The following FAT3 variants were observed in gnomAD, a reference collection of about 807,000 sequenced individuals.
FAT3 encodes the protein FAT atypical cadherin 3.
FAT3 carries 95 observed loss-of-function variants against 310.2 expected under a neutral mutation model. The ratio of observed to expected loss-of-function variants is 0.31; its 90% CI spans 0.26 to 0.36. The LOEUF (loss-of-function observed/expected upper bound fraction) is 0.36. Among genes scored for constraint, FAT3 ranks in the 10% least tolerant of loss-of-function variants. The pLI, the probability that FAT3 is intolerant of heterozygous loss-of-function variation, is 1.00. For synonymous variants in FAT3, 2,314 were observed against 2,192.9 expected, an observed-to-expected ratio of 1.06 and a Z score of -1.54; for missense variants, 5,408 against 5,715.6, an observed-to-expected ratio of 0.95 and a Z score of 1.74.
intron 3 of FAT3, among the ~76,000 whole-genome samples, chr11:92,597,607 A>G (rs984400651): frequency 1.3e-5 from 2 of 152,198 alleles, no homozygotes; most frequent in African/African-American, 4.8e-5. Flanking sequence ...GGGAGGGTGC[A>G]GAAAATGTTG....
chr11:92,457,375 C>A (rs1951518586), intron 2 of FAT3, among the ~76,000 whole-genome samples: 1 of 152,040 alleles, frequency 6.6e-6, no homozygotes, highest in African/African-American at 2.4e-5. Context: ...TGGCTTGGAA[C>A]CTGTGAGTTC....
intron 2 of FAT3, among the ~76,000 whole-genome samples, chr11:92,390,914 TC>T (rs1949733376): frequency 6.6e-6 from 1 of 152,156 alleles, no homozygotes; most frequent in Admixed American, 6.5e-5. Context: ...GGGGCCACAT[TC>T]TGGCAAAAGA....
At chr11:92,678,661 C>T (rs186576871) in intron 3 of FAT3, among the ~76,000 whole-genome samples, 6 of 152,116 alleles carry the variant, frequency 3.9e-5, no homozygotes, top group African/African-American at 7.2e-5. Flanking sequence ...CTTAAGACTC[C>T]GAGTTTTTTA....
At position 92,452,490 on chromosome 11, in the gene FAT3, G is replaced by A. The variant is rs184293586; in HGVS notation, c.3293-72144G>A. On this transcript the variant is annotated intron_variant, in intron 2 of 27. Coordinates refer to ENST00000525166, the MANE Select transcript of FAT3 (RefSeq NM_001367949.2). Reference sequence around the variant, plus strand: ...ATCATAATGTCTTGCCACTGGGGAGGGGTTGAGCAATAACTTAAGGGTGGT... The same window carrying A: ...ATCATAATGTCTTGCCACTGGGGAGAGGTTGAGCAATAACTTAAGGGTGGT... Among the ~76,000 whole-genome samples the A allele has an allele frequency of 9.7e-4, 147 of 152,210 alleles. 1 individual carries two copies. Among genetic ancestry groups the A allele is most frequent in the Admixed American group, 4.8e-3 (74 of 15,284 alleles).
At chr11:92,562,453 T>C (rs1955262725) in intron 3 of FAT3, among the ~76,000 whole-genome samples, 1 of 152,200 alleles carries the variant, frequency 6.6e-6, no homozygotes, top group African/African-American at 2.4e-5. Flanking sequence ...TGAGCCTCAG[T>C]CTTCTTACCT....
chr11:92,355,554 G>A, intron 2 of FAT3, 150 bp downstream of exon 2: 3 of 727,954 alleles, frequency 4.1e-6, no homozygotes, highest in Non-Finnish European at 6.5e-6. Context: ...CTTTTTCTTA[G>A]GATGTTCTGG....
chr11:92,288,014 G>A (rs892856729), intron 1 of FAT3, among the ~76,000 whole-genome samples: 2 of 152,108 alleles, frequency 1.3e-5, no homozygotes, highest in African/African-American at 4.8e-5. Context: ...GGAAGTTGTT[G>A]CTGGGCTGAG....
intron 2 of FAT3, among the ~76,000 whole-genome samples, chr11:92,462,156 T>G (rs1951653580): frequency 6.6e-6 from 1 of 152,174 alleles, no homozygotes; most frequent in Non-Finnish European, 1.5e-5. Flanking sequence ...GTTGTTTTTA[T>G]TTTTATTTTT....
intron 3 of FAT3, among the ~76,000 whole-genome samples, chr11:92,692,514 T>G: frequency 6.6e-6 from 1 of 152,262 alleles, no homozygotes; most frequent in South Asian, 2.1e-4. Flanking sequence ...ATCTAAGTTG[T>G]GGGCTTAGTT....
chr11:92,810,648 G>A (rs1249781796), intron 13 of FAT3, among the ~76,000 whole-genome samples: 2 of 152,176 alleles, frequency 1.3e-5, no homozygotes, highest in Non-Finnish European at 2.9e-5. Flanking sequence ...GTTTGACAGA[G>A]TGGGGGTGGG....
intron 2 of FAT3, among the ~76,000 whole-genome samples, chr11:92,522,050 G>A (rs569421020): frequency 6.6e-6 from 1 of 152,290 alleles, no homozygotes; most frequent in African/African-American, 2.4e-5. Context: ...ACAGGGTCCA[G>A]TGGATGCCTG....
chr11:92,802,794 A>G lies in FAT3; in HGVS notation c.8896+885A>G, dbSNP rs183920668. Among the ~76,000 whole-genome samples, 89 of 152,354 alleles carry G rather than the reference A, an allele frequency of 5.8e-4. 1 individual carries two copies. Among genetic ancestry groups the G allele is most frequent in the Non-Finnish European group, 1.2e-4 (8 of 68,036 alleles). On this transcript the variant is annotated intron_variant, in intron 10 of 27. Transcript: ENST00000525166. ...CAGGTGGCTTCCGTTTAGAAAAACT[A>G]CATCATTCAGAGTGAAAAATGAATT... is the stretch of plus-strand genomic sequence containing the variant.
At chr11:92,368,931 C>CAT (rs781526503) in intron 2 of FAT3, among the ~76,000 whole-genome samples, 15 of 146,316 alleles carry the variant, frequency 1.0e-4, no homozygotes, top group Middle Eastern at 3.6e-3. Context: ...TATATACACA[C>CAT]ATATATATAT....
intron 1 of FAT3, among the ~76,000 whole-genome samples, chr11:92,239,400 C>T (rs749480780): frequency 5.3e-5 from 8 of 152,162 alleles, no homozygotes; most frequent in Non-Finnish European, 8.8e-5. Context: ...CTTGAGTGTG[C>T]ACCTAGGAAG....
chr11:92,534,951 G>A (rs141934783), intron 3 of FAT3, among the ~76,000 whole-genome samples: 10 of 152,274 alleles, frequency 6.6e-5, no homozygotes, highest in East Asian at 3.9e-4. Context: ...GACCAAGAGC[G>A]TATATCCTAA....
chr11:92,653,333 C>A (rs1043632028), intron 3 of FAT3, among the ~76,000 whole-genome samples: 1 of 152,060 alleles, frequency 6.6e-6, no homozygotes, highest in Non-Finnish European at 1.5e-5. Context: ...CTTCTGTGTC[C>A]TGGTGGCACT....
chr11:92,357,049 T>C (rs1948752369), intron 2 of FAT3, among the ~76,000 whole-genome samples: 1 of 152,226 alleles, frequency 6.6e-6, no homozygotes, highest in African/African-American at 2.4e-5. Context: ...CTGTATGTTA[T>C]TATGTATTCC....
chr11:92,313,588 C>T (rs1947362849), intron 1 of FAT3, among the ~76,000 whole-genome samples: 1 of 152,182 alleles, frequency 6.6e-6, no homozygotes, highest in Admixed American at 6.5e-5. Flanking sequence ...GAGACAGACT[C>T]TCACCCTGTC....
chr11:92,427,597 A>G lies in FAT3; in HGVS notation c.3292+72193A>G, dbSNP rs575916740. On this transcript the variant is annotated intron_variant, in intron 2 of 27. Coordinates refer to ENST00000525166, the MANE Select transcript of FAT3 (RefSeq NM_001367949.2). ...GAATGAAGGGGTGTTGAATTTTATC[A>G]GAGGCCTTTGTTGCATCTATTGAGA... Among the ~76,000 whole-genome samples the G allele has an allele frequency of 9.2e-5, 14 of 152,282 alleles. No individual in the cohort carries two copies. The South Asian group carries it at 1.7e-3, about 18-fold the overall frequency.
Sources: allele counts gnomAD v4.1 joint callset (sites outside exome capture counted in the v4.1 genomes callset), GRCh38; gene constraint gnomAD v4.1.1; transcripts MANE v1.5; gene names NCBI Gene and HGNC (gene_info 2026-07-23, HGNC 2026-07-21).